EVC: variants seen among roughly 807,000 people sequenced by gnomAD.
The protein encoded by EVC is evC complex member EVC.
Under a neutral mutation model 118.9 loss-of-function variants are expected in EVC, and 116 were observed. The ratio of observed to expected loss-of-function variants is 0.98; its 90% CI spans 0.84 to 1.14. The LOEUF is 1.14. Among genes scored for constraint, EVC ranks in the 50% most tolerant of loss-of-function variants. EVC has a pLI of 0.00. For synonymous variants in EVC, 619 were observed against 534.7 expected, an observed-to-expected ratio of 1.16 and a Z score of -2.18; for missense variants, 1,401 against 1,246.4, an observed-to-expected ratio of 1.12 and a Z score of -1.87.
At chr4:5,720,747 A>G (rs570913881) in intron 2 of EVC, among the ~76,000 whole-genome samples, 1 of 152,336 alleles carries the variant, frequency 6.6e-6, no homozygotes, top group African/African-American at 2.4e-5. Context: ...ATCCCGGGAC[A>G]TGGCTTGCAG....
At chr4:5,817,632 G>C (rs1475071349), downstream of EVC, among the ~76,000 whole-genome samples, 2 of 152,278 alleles carry the variant, frequency 1.3e-5, no homozygotes, top group Non-Finnish European at 1.5e-5. Flanking sequence ...TTCATAAATG[G>C]ACTTGATTGG....
At chr4:5,788,894 G>A (rs1051207347) in intron 12 of EVC, among the ~76,000 whole-genome samples, 5 of 152,100 alleles carry the variant, frequency 3.3e-5, no homozygotes, top group African/African-American at 7.2e-5. Flanking sequence ...ATTTTTTCAC[G>A]TTTGTTTTAG....
In EVC at chr4:5,738,609, T is replaced by TC. The variant is rs1421273154; in HGVS notation, c.703-3107_703-3106insC. Among the ~76,000 whole-genome samples, 1 of 151,552 alleles carries TC rather than the reference T, an allele frequency of 6.6e-6. No individual in the cohort carries two copies. The highest frequency in any genetic ancestry group is 1.9e-4 in the East Asian group (1 of 5,182). On this transcript the variant is annotated intron_variant, in intron 5 of 20. Coordinates refer to ENST00000264956, the MANE Select transcript of EVC (RefSeq NM_153717.3). The surrounding 1 kb of genome is among the most constrained non-coding windows in gnomAD (Gnocchi z 6.5). The stretch of plus-strand genomic sequence containing the variant: ...TCCACCAGCTAAAAGATTACAACTT[T>TC]TTTTTTTTTTTTAAGACGGAGATCT...
At chr4:5,714,440 T>G (rs112384995) in intron 1 of EVC, among the ~76,000 whole-genome samples, 3,508 of 152,286 alleles carry the variant, frequency 0.023, 113 homozygotes, top group African/African-American at 0.079. Flanking sequence ...CAGCTGATTA[T>G]TTTGGGAATT....
chr4:5,775,398 C>G (rs1483534783), intron 11 of EVC, among the ~76,000 whole-genome samples: 2 of 152,184 alleles, frequency 1.3e-5, no homozygotes, highest in Non-Finnish European at 2.9e-5. Flanking sequence ...CTAACACCCT[C>G]CCTGCTCCCA....
chr4:5,732,233 G>C (rs569653360), intron 4 of EVC, among the ~76,000 whole-genome samples: 27 of 152,218 alleles, frequency 1.8e-4, no homozygotes, highest in Middle Eastern at 3.4e-3. Context: ...CGCACGTGGT[G>C]GGGGCTTAAG....
rs904262714 is a variant in EVC, at chr4:5,808,186, C to T, written c.2562-15C>T. 2 of 1,590,270 alleles carry T rather than the reference C, an allele frequency of 1.3e-6. No individual in the cohort carries two copies. The highest frequency in any genetic ancestry group is 1.7e-5 in the Admixed American group (1 of 58,884). On this transcript the variant is annotated splice_polypyrimidine_tract_variant and intron_variant, in intron 17 of 20. Transcript: ENST00000264956. ...TCCTTCCTCCCTGCCAGCCTGCCTG[C>T]CTTCCTCCCCCCAGGATGCTGTCCC...
At chr4:5,766,567 A>T (rs4254708) in intron 11 of EVC, among the ~76,000 whole-genome samples, 2 of 111,970 alleles carry the variant, frequency 1.8e-5, no homozygotes, top group Non-Finnish European at 3.7e-5. Context: ...TGGTCTTTTC[A>T]CATAGTCCCA....
intron 11 of EVC, among the ~76,000 whole-genome samples, chr4:5,769,153 C>T (rs1373913089): frequency 6.6e-6 from 1 of 151,854 alleles, no homozygotes; most frequent in African/African-American, 2.4e-5. Flanking sequence ...CACAGTTCCA[C>T]GTGGCTGGGG....
At chr4:5,769,350 C>T (rs10937667) in intron 11 of EVC, among the ~76,000 whole-genome samples, 59,219 of 151,990 alleles carry the variant, frequency 0.39, 11,927 homozygotes, top group Middle Eastern at 0.52. Flanking sequence ...TCCCACTGGG[C>T]CAGTCCCATG....
At chr4:5,717,089 ACTC>A (rs1474750628) in intron 1 of EVC, among the ~76,000 whole-genome samples, 2 of 150,986 alleles carry the variant, frequency 1.3e-5, no homozygotes, top group African/African-American at 4.9e-5. Flanking sequence ...TCTTCCAAGA[ACTC>A]CTATCACTTT....
rs868776142 is a variant in EVC, at chr4:5,736,526, A to T, written c.702+3091A>T. On this transcript the variant is annotated intron_variant, in intron 5 of 20. Transcript: ENST00000264956. ...GCTGCATTTTTTTTTTTTTTTTTTTACAAATTGAAGGGTTTTGGCAACTCT... is the reference window on the plus strand; with the variant it reads ...GCTGCATTTTTTTTTTTTTTTTTTTTCAAATTGAAGGGTTTTGGCAACTCT... Among the ~76,000 whole-genome samples, 827 of 104,304 alleles carry T rather than the reference A, an allele frequency of 7.9e-3. 10 individuals are homozygous for T. Among genetic ancestry groups the T allele is most frequent in the African/African-American group, 0.024 (731 of 30,812 alleles). 68.4% of individuals were successfully genotyped at this position (104,304 alleles called of 152,430 possible).
rs1449573979 is a variant in EVC, at chr4:5,711,203, G to C, written c.-178G>C. The C allele has an allele frequency of 3.8e-6, 1 of 263,768 alleles. No individual in the cohort carries two copies. Among genetic ancestry groups the C allele is most frequent in the Non-Finnish European group, 5.9e-6 (1 of 169,382 alleles). 16.3% of individuals were successfully genotyped at this position (263,768 alleles called of 1,614,324 possible). ...AGCGGTGATCCAGGCTCCTCCCTCC[G>C]GCTCGGCGAAGCAGGGAAGGGGAGA... On this transcript the variant is annotated 5_prime_UTR_variant, in exon 1 of 21. Coordinates refer to ENST00000264956, the MANE Select transcript of EVC (RefSeq NM_153717.3).
chr4:5,750,180 G>A (rs1730138384), intron 8 of EVC, among the ~76,000 whole-genome samples: 1 of 152,104 alleles, frequency 6.6e-6, no homozygotes, highest in African/African-American at 2.4e-5. Flanking sequence ...CTGAGCCTGG[G>A]CCTGAAGCTT....
At chr4:5,797,464 C>A in intron 14 of EVC, 1 of 594,394 alleles carries the variant, frequency 1.7e-6, no homozygotes, top group Admixed American at 2.8e-5. Flanking sequence ...AGGGTGTGGG[C>A]AGGGCCGCTT....
chr4:5,783,474 G>A (rs1158136067), intron 11 of EVC, 78 bp from the exon 12 acceptor site: 9 of 1,391,522 alleles, frequency 6.5e-6, no homozygotes, highest in South Asian at 1.2e-5. Context: ...GGCTTGTGGA[G>A]GAGAGGCAGA....
chr4:5,799,610 G>A (rs555454941), intron 15 of EVC, among the ~76,000 whole-genome samples: 1 of 152,246 alleles, frequency 6.6e-6, no homozygotes, highest in South Asian at 2.1e-4. Flanking sequence ...CTCGCTTCAG[G>A]CCACTGTAGG....
chr4:5,728,964 C>G (rs1324880760), intron 2 of EVC, among the ~76,000 whole-genome samples: 1 of 151,980 alleles, frequency 6.6e-6, no homozygotes. Flanking sequence ...TTTCATCCAC[C>G]CATCTATCTC....
In EVC at chr4:5,726,677, C is replaced by T. The variant is rs1725885945; in HGVS notation, c.301-2630C>T. 4.7e-5 allele frequency among the ~76,000 whole-genome samples: 7 copies of T among 148,708 alleles called. No individual in the cohort carries two copies. The South Asian group carries it at 1.3e-3, about 28-fold the overall frequency. On this transcript the variant is annotated intron_variant, in intron 2 of 20. Coordinates refer to ENST00000264956, the MANE Select transcript of EVC (RefSeq NM_153717.3). ...TGCTGGTGCGCTGCACCCACTAACTCGTCATCTAGCATTAGGTACATCTCC... is the reference window on the plus strand; with the variant it reads ...TGCTGGTGCGCTGCACCCACTAACTTGTCATCTAGCATTAGGTACATCTCC...
Sources: gnomAD v4.1 joint callset for allele counts (sites outside exome capture counted in the v4.1 genomes callset) on GRCh38, gnomAD v4.1.1 for gene constraint, Gnocchi (gnomAD v3.1) non-coding constraint, MANE v1.5 for transcripts, NCBI Gene and HGNC (gene_info 2026-07-23, HGNC 2026-07-21) for gene names.